The following TECPR2 variants were observed in gnomAD, a reference collection of about 807,000 sequenced individuals.
The protein encoded by TECPR2 is tectonin beta-propeller repeat containing 2, also known as tectonin beta-propeller repeat-containing protein 2.
TECPR2 carries 65 observed loss-of-function variants against 138.1 expected under a neutral mutation model. The observed-to-expected ratio is 0.47, with a 90% CI of 0.39 to 0.58. The LOEUF (loss-of-function observed/expected upper bound fraction) is 0.58, where lower values mean the gene tolerates loss of function less well. Among genes scored for constraint, TECPR2 ranks in the 20% least tolerant of loss-of-function variants. The pLI, the probability that TECPR2 is intolerant of heterozygous loss-of-function variation, is 0.00. For missense variants in TECPR2, 1,553 were observed against 1,824.5 expected, an observed-to-expected ratio of 0.85 and a Z score of 2.71; for synonymous variants, 746 against 749.8, an observed-to-expected ratio of 0.99 and a Z score of 0.08.
chr14:102,438,140 C>G lies in TECPR2; in HGVS notation c.2513C>G (p.Pro838Arg), dbSNP rs147312456. The change falls in exon 10 of 20, where the codon CCG becomes CGG. Residue 838 changes from proline to arginine, a missense_variant. Coordinates refer to ENST00000359520, the MANE Select transcript of TECPR2 (RefSeq NM_014844.5). ...YKGGLFCSAL[P>R]GAGLRWQKFE... ...GGCGGCCTGTTCTGCAGCGCGTTGC[C>G]GGGCGCCGGGCTGCGCTGGCAGAAG... 1.1e-5 allele frequency: 18 copies of G among 1,613,650 alleles called. No individual in the cohort carries two copies. Among genetic ancestry groups the G allele is most frequent in the Non-Finnish European group, 8.5e-7 (1 of 1,179,986 alleles).
At chr14:102,471,803 C>A (rs1393851444) in intron 17 of TECPR2, among the ~76,000 whole-genome samples, 1 of 152,156 alleles carries the variant, frequency 6.6e-6, no homozygotes. Context: ...TTTCAAAACA[C>A]CTCCTTTTGG....
intron 17 of TECPR2, among the ~76,000 whole-genome samples, chr14:102,470,800 C>T (rs1430470652): frequency 7.3e-5 from 11 of 150,368 alleles, no homozygotes; most frequent in African/African-American, 2.7e-4. Flanking sequence ...CCACCATGCC[C>T]GGCTAATTTT....
chr14:102,498,041 A>T, intron 19 of TECPR2, 62 bp from the exon 20 acceptor site: 1 of 1,577,200 alleles, frequency 6.3e-7, no homozygotes. Context: ...TCCCAGCTCC[A>T]TCTGTGCCCA....
At chr14:102,369,801 A>AAAC (rs1887450358) in intron 1 of TECPR2, among the ~76,000 whole-genome samples, 3 of 151,794 alleles carry the variant, frequency 2.0e-5, no homozygotes, top group South Asian at 2.1e-4. Flanking sequence ...AAACAAAAAA[A>AAAC]CAAAAAATTA....
intron 6 of TECPR2, among the ~76,000 whole-genome samples, chr14:102,426,032 GCA>G (rs1390643038): frequency 6.7e-6 from 1 of 149,864 alleles, no homozygotes; most frequent in Non-Finnish European, 1.5e-5. Flanking sequence ...TTACAGGTGC[GCA>G]CCACCACGCC....
Position 102,460,899 on chromosome 14 carries a change from G to C in TECPR2, c.3641-4242G>C, listed in dbSNP as rs543405089. ...TTTAGTAGAGATGGGGCTTCACCGTGTTAGCCAGGATGGTCTCGATCTCCT... is the reference window on the plus strand; with the variant it reads ...TTTAGTAGAGATGGGGCTTCACCGTCTTAGCCAGGATGGTCTCGATCTCCT... On this transcript the variant is annotated intron_variant, in intron 16 of 19. Transcript: ENST00000359520. Among the ~76,000 whole-genome samples, 117 of 151,902 alleles carry C rather than the reference G, an allele frequency of 7.7e-4. 2 individuals carry two copies. Among genetic ancestry groups the C allele is most frequent in the African/African-American group, 2.7e-3 (111 of 41,460 alleles).
intron 16 of TECPR2, among the ~76,000 whole-genome samples, chr14:102,455,706 G>T (rs1890260517): frequency 6.6e-6 from 1 of 152,172 alleles, no homozygotes. Flanking sequence ...TGCCTCCCAG[G>T]TTCAAGCAAT....
In TECPR2 at chr14:102,465,146, G is replaced by A. The variant is rs1186821614; in HGVS notation, c.3646G>A (p.Val1216Ile). Reference protein sequence around the residue: ...TRLDLSQLGAVKLTSLACGNQ... With the variant: ...TRLDLSQLGAIKLTSLACGNQ... ...GTACTTTTCTTTATCTACAGGAGCT[G>A]TAAAATTGACAAGCTTGGCATGTGG... is the stretch of plus-strand genomic sequence containing the variant. Residue 1216 changes from valine to isoleucine, a missense_variant, in exon 17 of 20, where the codon GTA (valine) becomes ATA (isoleucine). Coordinates refer to ENST00000359520, the MANE Select transcript of TECPR2 (RefSeq NM_014844.5). 1.9e-6 allele frequency: 3 copies of A among 1,614,086 alleles called. No homozygotes were observed. The highest frequency in any genetic ancestry group is 2.5e-6 in the Non-Finnish European group (3 of 1,180,040).
intron 18 of TECPR2, 38 bp from the exon 19 acceptor site, chr14:102,497,532 C>G: frequency 6.7e-7 from 1 of 1,491,478 alleles, no homozygotes; most frequent in Non-Finnish European, 8.9e-7. Context: ...CCATCCCGTC[C>G]ATGGCAGGGG....
rs760385870 is a variant in TECPR2, at chr14:102,449,788, A to G, written c.3235A>G (p.Ser1079Gly). 3.1e-6 allele frequency: 5 copies of G among 1,614,082 alleles called. No homozygotes were observed. The South Asian group carries it at 3.3e-5, about 11-fold the overall frequency. The part of the protein sequence containing the change: ...FWSQQLQCQP[S>G]LLGVNNSGVW... ...GTCCCAGCAGCTTCAGTGCCAGCCAAGCCTTCTCGGGGTCAATAACAGCGG... is the reference window on the plus strand; with the variant it reads ...GTCCCAGCAGCTTCAGTGCCAGCCAGGCCTTCTCGGGGTCAATAACAGCGG... The change falls in exon 14 of 20, where the codon AGC becomes GGC. Residue 1079 changes from serine (S) to glycine (G), a missense_variant. Ser to Gly is a moderately conservative substitution (Grantham distance 56). Transcript: ENST00000359520.
intron 13 of TECPR2, among the ~76,000 whole-genome samples, chr14:102,448,895 G>A (rs1466238381): frequency 1.3e-5 from 2 of 151,732 alleles, no homozygotes; most frequent in African/African-American, 4.8e-5. Flanking sequence ...CACTCTACTT[G>A]TGATACCTTT....
intron 16 of TECPR2, among the ~76,000 whole-genome samples, chr14:102,459,683 G>A (rs929171018): frequency 1.6e-4 from 25 of 152,304 alleles, no homozygotes; most frequent in Admixed American, 4.6e-4. Context: ...CAAGGGAATC[G>A]CTTGAACCCG....
chr14:102,381,938 A>G (rs1408264800), intron 2 of TECPR2, among the ~76,000 whole-genome samples: 2 of 152,226 alleles, frequency 1.3e-5, no homozygotes, highest in East Asian at 3.8e-4. Flanking sequence ...AGAGTAAGGT[A>G]TCCTATACAT....
intron 16 of TECPR2, among the ~76,000 whole-genome samples, chr14:102,456,032 G>A (rs1286205991): frequency 6.6e-6 from 1 of 152,126 alleles, no homozygotes; most frequent in African/African-American, 2.4e-5. Flanking sequence ...GGGATTACAA[G>A]TGTGAGCCAC....
intron 1 of TECPR2, among the ~76,000 whole-genome samples, chr14:102,364,091 C>CTT (rs959104762): frequency 4.3e-4 from 66 of 152,306 alleles, no homozygotes; most frequent in Middle Eastern, 6.8e-3. Flanking sequence ...TGGGTGCATC[C>CTT]TTTTCTCATC....
intron 2 of TECPR2, among the ~76,000 whole-genome samples, chr14:102,404,540 A>C (rs1406429762): frequency 6.6e-6 from 1 of 152,124 alleles, no homozygotes; most frequent in East Asian, 1.9e-4. Context: ...CGATGAAATC[A>C]ATAGCCCAGA....
At chr14:102,423,080 T>C (rs1259289314) in intron 5 of TECPR2, among the ~76,000 whole-genome samples, 1 of 152,172 alleles carries the variant, frequency 6.6e-6, no homozygotes, top group African/African-American at 2.4e-5. Flanking sequence ...CCAGGGGCAA[T>C]AGGCTAGACT....
intron 17 of TECPR2, among the ~76,000 whole-genome samples, chr14:102,494,206 T>C (rs1296520877): frequency 6.6e-6 from 1 of 152,170 alleles, no homozygotes; most frequent in African/African-American, 2.4e-5. Context: ...AGGGAGCCCC[T>C]CGCTAGGACT....
intron 9 of TECPR2, among the ~76,000 whole-genome samples, chr14:102,435,481 T>G (rs1889640806): frequency 6.6e-6 from 1 of 152,152 alleles, no homozygotes. Context: ...ACCCCACAAG[T>G]GCAGGCTGGT....
Sources: gnomAD v4.1 joint callset for allele counts (sites outside exome capture counted in the v4.1 genomes callset) on GRCh38, gnomAD v4.1.1 for gene constraint, MANE v1.5 for transcripts, NCBI Gene and HGNC (gene_info 2026-07-23, HGNC 2026-07-21) for gene names.